Variants in ATP2C1 observed in about 807,000 individuals in gnomAD.
ATP2C1 encodes calcium-transporting ATPase type 2C member 1.
ATP2C1 carries 31 observed loss-of-function variants against 120.5 expected under a neutral mutation model. That is an observed-to-expected ratio of 0.26 (90% confidence interval 0.19 to 0.35). The LOEUF is 0.35. ATP2C1 is among the 10% of genes least tolerant of loss of function. The probability of loss-of-function intolerance (pLI) is 1.00; values close to 1 mark genes in which losing one functional copy is unlikely to be tolerated. For synonymous variants in ATP2C1, 351 were observed against 358.7 expected (o/e 0.98, Z 0.24); for missense variants, 731 against 1,107.5 (o/e 0.66, Z 4.83).
At chr3:130,989,744 G>A (rs1245179595) in intron 20 of ATP2C1, among the ~76,000 whole-genome samples, 2 of 152,190 alleles carry the variant, frequency 1.3e-5, no homozygotes, top group Non-Finnish European at 2.9e-5. Flanking sequence ...AACACATGAA[G>A]TACATGGACA....
intron 8 of ATP2C1, among the ~76,000 whole-genome samples, chr3:130,951,441 T>TA (rs1331239510): frequency 6.6e-6 from 1 of 152,150 alleles, no homozygotes; most frequent in Non-Finnish European, 1.5e-5. Flanking sequence ...TTAGCATAGA[T>TA]ATGTAGCATA....
chr3:130,966,294 C>T (rs563147718), intron 14 of ATP2C1, among the ~76,000 whole-genome samples: 10 of 152,192 alleles, frequency 6.6e-5, no homozygotes, highest in African/African-American at 2.4e-4. Context: ...ATTGGGATTA[C>T]ATGTGCTTAT....
At chr3:130,951,282 T>TA (rs1364290510) in intron 8 of ATP2C1, among the ~76,000 whole-genome samples, 1 of 152,194 alleles carries the variant, frequency 6.6e-6, no homozygotes, top group African/African-American at 2.4e-5. Context: ...AATCTGGAGT[T>TA]AAAGTCTTTC....
chr3:130,862,560 G>C (rs1171292758), intron 1 of ATP2C1, among the ~76,000 whole-genome samples: 1 of 152,070 alleles, frequency 6.6e-6, no homozygotes, highest in Non-Finnish European at 1.5e-5. Context: ...TTTTTCATTA[G>C]AGTCTAGAAA....
chr3:130,877,359 G>A (rs1177432921), intron 1 of ATP2C1, among the ~76,000 whole-genome samples: 2 of 152,128 alleles, frequency 1.3e-5, no homozygotes, highest in Non-Finnish European at 1.5e-5. Flanking sequence ...GCAACCTACA[G>A]AATGGGAGAA....
intron 1 of ATP2C1, among the ~76,000 whole-genome samples, chr3:130,864,864 C>T (rs1291431118): frequency 6.6e-6 from 1 of 152,160 alleles, no homozygotes; most frequent in Admixed American, 6.5e-5. Context: ...GTGGGGTCCT[C>T]ATGGAGAACT....
Position 131,002,067 on chromosome 3 carries a change from A to C in ATP2C1, c.*717A>C. 1 of 985,666 alleles carries C rather than the reference A, an allele frequency of 1.0e-6. No individual in the cohort carries two copies. Among genetic ancestry groups the C allele is most frequent in the Non-Finnish European group, 1.2e-6 (1 of 829,892 alleles). The allele number at this position is 985,666 out of a possible 1,614,324, so 61.1% of individuals were successfully genotyped here. A position where few individuals can be genotyped will look rare whatever the true frequency, so the allele number is the denominator to read the frequency against. On this transcript the variant is annotated 3_prime_UTR_variant, in exon 28 of 28. Transcript: ENST00000510168. ...GGTTTGGCAGAATTCATGCAGGGCT[A>C]TCAAGTGGTGTTCTAGGGTAACAGT...
chr3:130,922,179 T>C (rs1305547908), intron 2 of ATP2C1, among the ~76,000 whole-genome samples: 1 of 152,212 alleles, frequency 6.6e-6, no homozygotes. Flanking sequence ...CTTCCTGATT[T>C]AATCTAGGAG....
downstream of ATP2C1, among the ~76,000 whole-genome samples, chr3:131,006,010 C>T (rs1421424560): frequency 6.6e-6 from 1 of 152,000 alleles, no homozygotes; most frequent in Non-Finnish European, 1.5e-5. Context: ...TAAGGTATGC[C>T]ACGTAAGGAA....
At position 130,932,151 on chromosome 3, in the gene ATP2C1, T is replaced by A; in HGVS notation, c.234+13T>A. On this transcript the variant is annotated intron_variant, in intron 4 of 27. Transcript: ENST00000510168. ...GTATATTTCTCAGGTGAGATACTTTTACTTCCTCTTCTACTGTGTAATTTA... is the reference window on the plus strand; with the variant it reads ...GTATATTTCTCAGGTGAGATACTTTAACTTCCTCTTCTACTGTGTAATTTA... The A allele has an allele frequency of 7.0e-7, 1 of 1,436,958 alleles. No individual in the cohort carries two copies. The highest frequency in any genetic ancestry group is 9.8e-7 in the Non-Finnish European group (1 of 1,018,748). The allele number at this position is 1,436,958 out of a possible 1,614,324, so 89.0% of individuals were successfully genotyped here. A position where few individuals can be genotyped will look rare whatever the true frequency, so the allele number is the denominator to read the frequency against.
chr3:130,902,283 C>CTT (rs2057872994), intron 2 of ATP2C1, among the ~76,000 whole-genome samples: 2 of 80,942 alleles, frequency 2.5e-5, no homozygotes, highest in Non-Finnish European at 4.8e-5. Context: ...CAAGGCTTCA[C>CTT]GTTTTTTTTT....
chr3:131,016,268 G>A (rs112198892), exon 27 of ATP2C1: 43 of 1,613,932 alleles, frequency 2.7e-5, no homozygotes, highest in Middle Eastern at 3.3e-4. Flanking sequence ...GTGCCCAGCC[G>A]TGTCTGCGCC....
At chr3:130,994,584 A>AT (rs2062513363) in intron 22 of ATP2C1, among the ~76,000 whole-genome samples, 1 of 152,188 alleles carries the variant, frequency 6.6e-6, no homozygotes, top group African/African-American at 2.4e-5. Flanking sequence ...AGTTGATTTA[A>AT]GACTCCAGTG....
chr3:130,909,052 G>A (rs763704860), intron 2 of ATP2C1, among the ~76,000 whole-genome samples: 20 of 152,158 alleles, frequency 1.3e-4, no homozygotes, highest in Non-Finnish European at 2.1e-4. Flanking sequence ...GAATACTTAA[G>A]AGCATTGAAG....
At chr3:130,999,933 G>C (rs945419760) in intron 27 of ATP2C1, among the ~76,000 whole-genome samples, 3 of 152,082 alleles carry the variant, frequency 2.0e-5, no homozygotes, top group Admixed American at 2.0e-4. Flanking sequence ...CTAGAGTATA[G>C]TTTATAACTT....
At position 130,997,715 on chromosome 3, in the gene ATP2C1, A is replaced by G. The variant is rs907027493; in HGVS notation, c.2353A>G (p.Ile785Val). The G allele has an allele frequency of 2.5e-6, 4 of 1,613,746 alleles. No homozygotes were observed. The highest frequency in any genetic ancestry group is 3.4e-6 in the Non-Finnish European group (4 of 1,179,768). ...LILKILVSSI[I>V]IVCGTLFVFW... ...ACTTAAAATACTTGTTTCATCAATAATCATTGTTTGTGGGACTTTGTTTGT... is the reference window on the plus strand; with the variant it reads ...ACTTAAAATACTTGTTTCATCAATAGTCATTGTTTGTGGGACTTTGTTTGT... Residue 785 changes from isoleucine (I) to valine (V), a missense_variant, in exon 25 of 28, where the codon ATC becomes GTC. By Grantham distance (29) the Ile-to-Val change is conservative. Around this residue, in one of 3 missense-constraint regions of ATP2C1, gnomAD observed 141 missense variants for 201.6 expected, o/e 0.70. Transcript: ENST00000510168.
intron 19 of ATP2C1, 67 bp from the exon 20 acceptor site, chr3:130,980,515 T>A: frequency 2.8e-6 from 3 of 1,089,562 alleles, no homozygotes; most frequent in Admixed American, 1.7e-5. Context: ...TAAATGAGCA[T>A]TACGTTGACT....
chr3:130,890,124 CA>C (rs2069122025), upstream of ATP2C1, among the ~76,000 whole-genome samples: 1 of 152,134 alleles, frequency 6.6e-6, no homozygotes, highest in African/African-American at 2.4e-5. Context: ...TTACTGCTGT[CA>C]AATGTTTTGG....
Position 130,953,456 on chromosome 3 carries a change from A to G in ATP2C1, c.532-365A>G, listed in dbSNP as rs143876481. ...CGATGGTTTTAATCTGCCAAGCCAT[A>G]TTTCCAGAACTTTAGGTACTTGACA... On this transcript the variant is annotated intron_variant, in intron 8 of 27. Coordinates refer to ENST00000510168, the MANE Select transcript of ATP2C1 (RefSeq NM_001378687.1). Among the ~76,000 whole-genome samples the G allele has an allele frequency of 4.0e-3, 604 of 152,254 alleles. 2 individuals carry two copies. Among genetic ancestry groups the G allele is most frequent in the Middle Eastern group, 0.017 (5 of 294 alleles).
Sources: gnomAD v4.1 joint callset for allele counts (sites outside exome capture counted in the v4.1 genomes callset) on GRCh38, gnomAD v4.1.1 for gene constraint, gnomAD v4.1.1 regional missense constraint, MANE v1.5 for transcripts, NCBI Gene and HGNC (gene_info 2026-07-23, HGNC 2026-07-21) for gene names.